Variants in RTCA observed in about 807,000 individuals in gnomAD.
The protein encoded by RTCA is RNA terminal phosphate cyclase domain 1.
Under a neutral mutation model 46.1 loss-of-function variants are expected in RTCA, and 37 were observed. That is an observed-to-expected ratio of 0.80 (90% CI 0.62 to 1.06). RTCA has a LOEUF of 1.06. Ranked by LOEUF, RTCA falls within the 50% of genes least tolerant of loss-of-function variation. The pLI, the probability that RTCA is intolerant of heterozygous loss-of-function variation, is 0.00. For missense variants in RTCA, 435 were observed against 455.5 expected (o/e 0.95, Z 0.41); for synonymous variants, 164 against 158.3 (o/e 1.04, Z -0.27).
rs781053398 is a variant in RTCA at position 100,291,455 on chromosome 1, C to G, written c.1052C>G (p.Thr351Ser). 6.2e-7 allele frequency: 1 copy of G among 1,612,386 alleles called. No individual in the cohort carries two copies. Among genetic ancestry groups the G allele is most frequent in the South Asian group, 1.1e-5 (1 of 90,648 alleles). ...SEDEEDAAKD[T>S]YIIECQGIGM... ...GATGAAGAAGACGCCGCTAAAGATA[C>G]TTATATTATTGAATGCCAAGGAATT... Residue 351 changes from threonine (T) to serine (S), a missense_variant, in exon 11 of 11, where the codon ACT becomes AGT. Coordinates refer to ENST00000370128, the MANE Select transcript of RTCA (RefSeq NM_003729.4).
chr1:100,269,615 G>A (rs1557972916), intron 3 of RTCA, among the ~76,000 whole-genome samples: 1 of 152,034 alleles, frequency 6.6e-6, no homozygotes, highest in Non-Finnish European at 1.5e-5. Context: ...ATACAGGCAT[G>A]AGCCACCACG....
At chr1:100,288,368 A>G (rs1287354680) in intron 10 of RTCA, among the ~76,000 whole-genome samples, 1 of 152,122 alleles carries the variant, frequency 6.6e-6, no homozygotes, top group Non-Finnish European at 1.5e-5. Context: ...GAAATATAAA[A>G]TTTGTAACAA....
chr1:100,276,654 C>T (rs192529243), intron 7 of RTCA, among the ~76,000 whole-genome samples: 13 of 151,966 alleles, frequency 8.6e-5, no homozygotes, highest in East Asian at 7.7e-4. Flanking sequence ...TCCAGCCTGG[C>T]GACAAAGCGA....
At chr1:100,275,004 G>GC in intron 6 of RTCA, 39 bp downstream of exon 6, 1 of 1,527,098 alleles carries the variant, frequency 6.5e-7, no homozygotes, top group Non-Finnish European at 8.9e-7. Context: ...AAATATATGT[G>GC]TGTCTTGATA....
intron 4 of RTCA, among the ~76,000 whole-genome samples, chr1:100,272,438 A>G (rs781313080): frequency 3.3e-5 from 5 of 152,278 alleles, no homozygotes; most frequent in Admixed American, 6.5e-5. Context: ...AAAAATAAAT[A>G]TCAAATAGAG....
intron 2 of RTCA, chr1:100,267,511 G>A (rs777464471): frequency 1.3e-6 from 2 of 1,545,244 alleles, no homozygotes; most frequent in South Asian, 2.4e-5. Flanking sequence ...TCTGGAGGCT[G>A]GAAGTCCAAG....
chr1:100,286,689 C>T (rs575897747), intron 9 of RTCA, among the ~76,000 whole-genome samples: 5 of 152,092 alleles, frequency 3.3e-5, no homozygotes, highest in Non-Finnish European at 7.4e-5. Flanking sequence ...TATTTCTAGT[C>T]TCCTCCTCCT....
chr1:100,287,268 A>C, intron 10 of RTCA, 65 bp downstream of exon 10: 1 of 1,162,924 alleles, frequency 8.6e-7, no homozygotes, highest in East Asian at 2.7e-5. Context: ...TTTGGGTTAA[A>C]TTTTAATAGG....
chr1:100,274,771 T>G, intron 5 of RTCA, 53 bp from the exon 6 acceptor site: 1 of 1,534,692 alleles, frequency 6.5e-7, no homozygotes. Flanking sequence ...AATATAGAGC[T>G]TTGTTTTTGT....
At chr1:100,270,465 G>A in intron 3 of RTCA, 92 bp from the exon 4 acceptor site, 1 of 1,479,276 alleles carries the variant, frequency 6.8e-7, no homozygotes, top group Non-Finnish European at 9.2e-7. Context: ...GCTTTAGTTG[G>A]TAGTGATGAA....
At chr1:100,287,303 T>A (rs1667081718) in intron 10 of RTCA, 100 bp downstream of exon 10, 2 of 742,712 alleles carry the variant, frequency 2.7e-6, no homozygotes, top group East Asian at 6.3e-5. Context: ...TCATAATTGC[T>A]ATCACTGTTT....
intron 10 of RTCA, among the ~76,000 whole-genome samples, chr1:100,289,083 CA>C (rs1373100420): frequency 1.3e-5 from 2 of 151,634 alleles, no homozygotes; most frequent in Admixed American, 6.6e-5. Context: ...CTTGGCCTCC[CA>C]AAGTGCAGGG....
chr1:100,285,160 T>G, intron 8 of RTCA, 68 bp from the exon 9 acceptor site: 4 of 1,403,474 alleles, frequency 2.9e-6, no homozygotes, highest in Non-Finnish European at 4.0e-6. Context: ...TACCAAACTT[T>G]TTGTCTCTTA....
chr1:100,270,951 C>T (rs779352561), intron 4 of RTCA, among the ~76,000 whole-genome samples: 1 of 151,746 alleles, frequency 6.6e-6, no homozygotes, highest in Non-Finnish European at 1.5e-5. Context: ...CAGGCACACA[C>T]CCAGCCAATT....
intron 2 of RTCA, chr1:100,266,841 C>T: frequency 1.8e-6 from 1 of 552,848 alleles, no homozygotes; most frequent in South Asian, 2.4e-5. Context: ...CGAGTTTTCT[C>T]TGTTTGACTA....
Position 100,285,517 on chromosome 1 carries a change from G to A in RTCA, c.894+195G>A, listed in dbSNP as rs141719463. Among the ~76,000 whole-genome samples, 1,082 of 152,242 alleles carry A rather than the reference G, an allele frequency of 7.1e-3. 11 individuals carry two copies. Among genetic ancestry groups the A allele is most frequent in the African/African-American group, 0.025 (1,054 of 41,546 alleles). On this transcript the variant is annotated intron_variant, in intron 9 of 10. Transcript: ENST00000370128. Reference sequence around the variant, plus strand: ...ACTTTACGTGTCTACAGTGTTTTGCGCAATTGACCACTCCTTCCTTTTTGA... The same window carrying A: ...ACTTTACGTGTCTACAGTGTTTTGCACAATTGACCACTCCTTCCTTTTTGA...
intron 8 of RTCA, among the ~76,000 whole-genome samples, chr1:100,283,922 T>TAAA (rs562483681): frequency 1.9e-3 from 22 of 11,338 alleles, no homozygotes; most frequent in Non-Finnish European, 3.2e-3. Flanking sequence ...ACCTAGTCGC[T>TAAA]AAAAAAAAAA....
chr1:100,268,401 A>AT, intron 3 of RTCA, 106 bp downstream of exon 3: 5 of 881,598 alleles, frequency 5.7e-6, no homozygotes, highest in Non-Finnish European at 3.3e-6. Context: ...CCCTACTTTT[A>AT]TGTTTTTTTT....
chr1:100,274,706 T>G, intron 5 of RTCA, 118 bp from the exon 6 acceptor site: 2 of 1,147,332 alleles, frequency 1.7e-6, no homozygotes, highest in East Asian at 2.6e-5. Flanking sequence ...CCTAAAATAT[T>G]TAGACCTTTC....
Sources: gnomAD v4.1 joint callset for allele counts (sites outside exome capture counted in the v4.1 genomes callset) on GRCh38, gnomAD v4.1.1 for gene constraint, MANE v1.5 for transcripts, NCBI Gene and HGNC (gene_info 2026-07-23, HGNC 2026-07-21) for gene names.